ZNF831: variants seen among roughly 807,000 people sequenced by gnomAD.
ZNF831 encodes zinc finger protein 831.
Under a neutral mutation model 95.8 loss-of-function variants are expected in ZNF831, and 59 were observed. The ratio of observed to expected loss-of-function variants is 0.62; its 90% confidence interval spans 0.50 to 0.77. The LOEUF (loss-of-function observed/expected upper bound fraction) is 0.77, where lower values mean the gene tolerates loss of function less well. Among genes scored for constraint, ZNF831 ranks in the 30% least tolerant of loss-of-function variants. ZNF831 has a pLI of 0.00. For synonymous variants in ZNF831, 961 were observed against 925.5 expected, an observed-to-expected ratio of 1.04 and a Z score of -0.70; for missense variants, 2,205 against 2,164.0, an observed-to-expected ratio of 1.02 and a Z score of -0.38.
At chr20:59,179,668 A>G (rs1982453658) in intron 1 of ZNF831, among the ~76,000 whole-genome samples, 1 of 151,980 alleles carries the variant, frequency 6.6e-6, no homozygotes, top group Non-Finnish European at 1.5e-5. Flanking sequence ...GGGTCTTCGC[A>G]TGGCCTACCC....
At chr20:59,236,279 C>T (rs1986994629) in intron 4 of ZNF831, among the ~76,000 whole-genome samples, 1 of 152,162 alleles carries the variant, frequency 6.6e-6, no homozygotes, top group African/African-American at 2.4e-5. Flanking sequence ...TCTCTTGGGC[C>T]AAACATGCCC....
intron 1 of ZNF831, among the ~76,000 whole-genome samples, chr20:59,167,349 A>T (rs182459863): frequency 6.7e-6 from 1 of 149,760 alleles, no homozygotes; most frequent in African/African-American, 2.5e-5. Context: ...CCCTTGTCAG[A>T]TATGTTGTTT....
chr20:59,137,266 G>A (rs549585996), intron 1 of ZNF831, among the ~76,000 whole-genome samples: 2 of 118,464 alleles, frequency 1.7e-5, no homozygotes, highest in African/African-American at 6.1e-5. Flanking sequence ...CCTTTAATAT[G>A]CTTCCAATAC....
intron 1 of ZNF831, among the ~76,000 whole-genome samples, chr20:59,164,452 A>G (rs939053138): frequency 6.6e-6 from 1 of 152,204 alleles, no homozygotes; most frequent in Non-Finnish European, 1.5e-5. Context: ...TCCATGTTCT[A>G]CTAAACAGAA....
intron 4 of ZNF831, among the ~76,000 whole-genome samples, chr20:59,236,634 G>T (rs1987016497): frequency 1.3e-5 from 2 of 148,666 alleles, no homozygotes; most frequent in South Asian, 4.3e-4. Flanking sequence ...GGGCTCAAGT[G>T]ATCCCCCTTC....
At chr20:59,170,454 C>A (rs1245115681) in intron 1 of ZNF831, among the ~76,000 whole-genome samples, 1 of 152,136 alleles carries the variant, frequency 6.6e-6, no homozygotes, top group Admixed American at 6.5e-5. Flanking sequence ...TGTTATCTTT[C>A]TGTTGTTGAT....
rs2146562934 is a variant in ZNF831, at chr20:59,192,292, G to T, written c.1273G>T (p.Asp425Tyr). ...NQAVVDDAQLDNVRPRKTGLS... is the reference protein window; with the variant it reads ...NQAVVDDAQLYNVRPRKTGLS... ...GGCGGTGGTGGACGATGCCCAGCTG[G>T]ACAACGTGCGGCCCCGGAAGACCGG... is the stretch of plus-strand genomic sequence containing the variant. Residue 425 changes from aspartate (D) to tyrosine (Y), a missense_variant, in exon 2 of 6, where the codon GAC becomes TAC. Transcript: ENST00000371030. The surrounding 1 kb of genome is among the most constrained non-coding windows in gnomAD (Gnocchi z 5.2). The T allele has an allele frequency of 1.3e-6, 2 of 1,589,516 alleles. No individual in the cohort carries two copies. Among genetic ancestry groups the T allele is most frequent in the Non-Finnish European group, 1.7e-6 (2 of 1,167,266 alleles).
At chr20:59,227,266 C>A (rs1310567324) in intron 4 of ZNF831, among the ~76,000 whole-genome samples, 3 of 152,130 alleles carry the variant, frequency 2.0e-5, no homozygotes, top group Non-Finnish European at 4.4e-5. Flanking sequence ...TGAGAGAGTT[C>A]TCTGTAAAAT....
At chr20:59,166,895 G>T (rs1228581859) in intron 1 of ZNF831, among the ~76,000 whole-genome samples, 1 of 152,224 alleles carries the variant, frequency 6.6e-6, no homozygotes, top group Non-Finnish European at 1.5e-5. Flanking sequence ...AAACATTCAT[G>T]TACAAGCTTT....
chr20:59,129,710 C>T (rs1252797394), intron 1 of ZNF831, among the ~76,000 whole-genome samples: 1 of 152,186 alleles, frequency 6.6e-6, no homozygotes, highest in Non-Finnish European at 1.5e-5. Flanking sequence ...AGCCCACCTC[C>T]CTAACCTCTG....
Position 59,253,148 on chromosome 20 carries a change from A to G in ZNF831, c.4188+10A>G. ...CAAACGAACTGTGAAGGTGGGCATG[A>G]TGATTTTGAGCTGCCTCTACCTATT... is the stretch of plus-strand genomic sequence containing the variant. On this transcript the variant is annotated intron_variant, in intron 5 of 5. Transcript: ENST00000371030. 6.2e-7 allele frequency: 1 copy of G among 1,613,762 alleles called. No homozygotes were observed. Among genetic ancestry groups the G allele is most frequent in the Non-Finnish European group, 8.5e-7 (1 of 1,179,786 alleles).
intron 1 of ZNF831, among the ~76,000 whole-genome samples, chr20:59,173,923 C>A (rs1981941405): frequency 6.6e-6 from 1 of 152,138 alleles, no homozygotes; most frequent in African/African-American, 2.4e-5. Context: ...CAAGAAACAA[C>A]ACACTTGGAA....
intron 3 of ZNF831, among the ~76,000 whole-genome samples, chr20:59,200,671 G>A (rs1984463119): frequency 6.6e-6 from 1 of 152,074 alleles, no homozygotes; most frequent in South Asian, 2.1e-4. Context: ...CCGCTGATGT[G>A]CTTTCTGTCA....
intron 4 of ZNF831, among the ~76,000 whole-genome samples, chr20:59,248,125 G>A (rs987476437): frequency 6.6e-6 from 1 of 152,208 alleles, no homozygotes; most frequent in Non-Finnish European, 1.5e-5. Flanking sequence ...GGAAAGAACA[G>A]CACGGCACAG....
intron 1 of ZNF831, among the ~76,000 whole-genome samples, 100 bp downstream of exon 1, chr20:59,164,307 C>T (rs1981082800): frequency 6.6e-6 from 1 of 152,116 alleles, no homozygotes; most frequent in African/African-American, 2.4e-5. Context: ...TTCAAGCACG[C>T]AGTTAAAGGG....
At chr20:59,244,794 T>A (rs1189905296) in intron 4 of ZNF831, among the ~76,000 whole-genome samples, 1 of 152,244 alleles carries the variant, frequency 6.6e-6, no homozygotes. Flanking sequence ...CCGATACGTA[T>A]ATAGATTGTT....
intron 1 of ZNF831, among the ~76,000 whole-genome samples, chr20:59,178,284 C>T (rs1006895508): frequency 4.6e-5 from 7 of 152,138 alleles, no homozygotes; most frequent in African/African-American, 9.7e-5. Context: ...TAAATTTGCA[C>T]GTTAAGGGAC....
rs1233832914 is a variant in ZNF831, at chr20:59,210,239, G to A, written c.4027+3183G>A. 2.0e-5 allele frequency among the ~76,000 whole-genome samples: 3 copies of A among 152,140 alleles called. No homozygotes were observed. The East Asian group carries it at 5.8e-4, about 29-fold the overall frequency. ...AATACAATTAAAACAGAATTGCCCC[G>A]GCCACTGCCAGCAGGACATGCTCCA... On this transcript the variant is annotated intron_variant, in intron 4 of 5. Transcript: ENST00000371030.
Position 59,163,871 on chromosome 20 carries a change from G to A in ZNF831, c.-373G>A, listed in dbSNP as rs559627238. 6.6e-6 allele frequency among the ~76,000 whole-genome samples: 1 copy of A among 152,234 alleles called. No individual in the cohort carries two copies. The highest frequency in any genetic ancestry group is 6.5e-5 in the Admixed American group (1 of 15,294). On this transcript the variant is annotated 5_prime_UTR_variant, in exon 1 of 6. Coordinates refer to ENST00000371030, the MANE Select transcript of ZNF831 (RefSeq NM_178457.3). Reference sequence around the variant, plus strand: ...TCTCTTCCAGGTTGCTTGAAATGGTGCTTTTCTCAGTTAAACGTGGACTTG... The same window carrying A: ...TCTCTTCCAGGTTGCTTGAAATGGTACTTTTCTCAGTTAAACGTGGACTTG...
Sources: allele counts gnomAD v4.1 joint callset (sites outside exome capture counted in the v4.1 genomes callset), GRCh38; gene constraint gnomAD v4.1.1; non-coding constraint Gnocchi (gnomAD v3.1); transcripts MANE v1.5; gene names NCBI Gene and HGNC (gene_info 2026-07-23, HGNC 2026-07-21).